WDR81: variants seen among roughly 807,000 people sequenced by gnomAD.
WDR81 encodes the protein WD repeat domain 81.
Under a neutral mutation model 140.8 loss-of-function variants are expected in WDR81, and 92 were observed. That is an observed-to-expected ratio of 0.65 (90% CI 0.55 to 0.78). The LOEUF (loss-of-function observed/expected upper bound fraction) is 0.78. Ranked by LOEUF, WDR81 falls within the 30% of genes least tolerant of loss-of-function variation. The pLI is 0.00. For synonymous variants in WDR81, 1,183 were observed against 1,156.4 expected, an observed-to-expected ratio of 1.02 and a Z score of -0.47; for missense variants, 2,502 against 2,636.4, an observed-to-expected ratio of 0.95 and a Z score of 1.12.
Position 1,737,427 on chromosome 17 carries a change from G to A in WDR81, c.5568G>A (p.Glu1856=). ...SSDHSLTVWK[E]LEQKPTHHYK... ...ACCATTCCTTGACCGTCTGGAAGGAGCTGGAGCAGAAGCCCACCCATCACT... is the reference window on the plus strand; with the variant it reads ...ACCATTCCTTGACCGTCTGGAAGGAACTGGAGCAGAAGCCCACCCATCACT... The change falls in exon 10 of 10, where the codon GAG becomes GAA. Residue 1856 remains glutamate (E), a synonymous_variant. Transcript: ENST00000409644. 1 of 1,612,978 alleles carries A rather than the reference G, an allele frequency of 6.2e-7. No individual in the cohort carries two copies. Among genetic ancestry groups the A allele is most frequent in the South Asian group, 1.1e-5 (1 of 91,078 alleles).
Position 1,727,488 on chromosome 17 carries a change from C to A in WDR81, c.2529C>A (p.Asp843Glu), listed in dbSNP as rs1915363787. ...TGGGAGCAGAGAGGGGCAAGCTGGACCAACTGTTTGAGTACAGGCCTGTCT... is the reference window on the plus strand; with the variant it reads ...TGGGAGCAGAGAGGGGCAAGCTGGAACAACTGTTTGAGTACAGGCCTGTCT... ...VPMGAERGKL[D>E]QLFEYRPVSQ... Residue 843 changes from aspartate (D) to glutamate (E), a missense_variant, in exon 1 of 10, where the codon GAC (aspartate) becomes GAA (glutamate). This residue lies in a region of WDR81 where 1,737 missense variants were observed against 1,843.0 expected (regional missense o/e 0.94). Coordinates refer to ENST00000409644, the MANE Select transcript of WDR81 (RefSeq NM_001163809.2). The A allele has an allele frequency of 6.5e-7, 1 of 1,550,284 alleles. No individual in the cohort carries two copies. Among genetic ancestry groups the A allele is most frequent in the Non-Finnish European group, 8.7e-7 (1 of 1,147,016 alleles).
At chr17:1,732,559 C>T in intron 5 of WDR81, 69 bp downstream of exon 5, 1 of 1,585,360 alleles carries the variant, frequency 6.3e-7, no homozygotes, top group Non-Finnish European at 8.6e-7. Context: ...CCCTGGGCAT[C>T]TTGCTCATAG....
rs368179158 is a variant in WDR81 at position 1,732,152 on chromosome 17, G to A, written c.4158-173G>A. 4.9e-4 allele frequency among the ~76,000 whole-genome samples: 75 copies of A among 152,252 alleles called. 4 individuals carry two copies. The East Asian group carries it at 7.1e-3, about 15-fold the overall frequency. The stretch of plus-strand genomic sequence containing the variant: ...CTCGGGAGACTGAGGCAGGAGAATC[G>A]CTTGAACCCGGGAGGCAGAGGTTGC... On this transcript the variant is annotated intron_variant, in intron 4 of 9. Coordinates refer to ENST00000409644, the MANE Select transcript of WDR81 (RefSeq NM_001163809.2).
chr17:1,722,778 C>T (rs13343265), upstream of WDR81, among the ~76,000 whole-genome samples: 865 of 149,268 alleles, frequency 5.8e-3, 8 homozygotes, highest in African/African-American at 0.018. Flanking sequence ...CTGCAACCTC[C>T]GCCTCCCAGG....
At chr17:1,723,833 C>G (rs937359297), upstream of WDR81, among the ~76,000 whole-genome samples, 1 of 152,094 alleles carries the variant, frequency 6.6e-6, no homozygotes, top group Non-Finnish European at 1.5e-5. Flanking sequence ...AGGCAGTGCT[C>G]CTGGGCAGAA....
rs181191532 is a variant in WDR81, at chr17:1,719,240, A to G, written c.-124+2607A>G. On this transcript the variant is annotated intron_variant, in intron 1 of 10. Transcript: ENST00000309182. ...CCTTGTTGTAGGGATTTCAACATTT[A>G]AAAATATTTTAAAAGTTAAAAATGT... is the stretch of plus-strand genomic sequence containing the variant. 2.0e-5 allele frequency among the ~76,000 whole-genome samples: 3 copies of G among 152,334 alleles called. No homozygotes were observed. The East Asian group carries it at 5.8e-4, about 29-fold the overall frequency.
At position 1,738,405 on chromosome 17, in the gene WDR81, G is replaced by A. The variant is rs891707885; in HGVS notation, c.*720G>A. The A allele has an allele frequency of 6.5e-6, 1 of 153,302 alleles. No homozygotes were observed. Among genetic ancestry groups the A allele is most frequent in the Non-Finnish European group, 1.5e-5 (1 of 68,670 alleles). The allele number at this position is 153,302 out of a possible 1,614,324, so 9.5% of individuals were successfully genotyped here. On this transcript the variant is annotated 3_prime_UTR_variant, in exon 10 of 10. Coordinates refer to ENST00000409644, the MANE Select transcript of WDR81 (RefSeq NM_001163809.2). ...CCCTGAACCCCTGCTGGGGCTCCAC[G>A]ACCCTGAGAGAAGGGGTGAGAAGAA... is the stretch of plus-strand genomic sequence containing the variant.
rs1915162851 is a variant in WDR81 at position 1,725,334 on chromosome 17, T to C, written c.375T>C (p.Phe125=). The C allele has an allele frequency of 6.5e-7, 1 of 1,548,944 alleles. No homozygotes were observed. The change falls in exon 1 of 10, where the codon TTT becomes TTC. Residue 125 remains phenylalanine (F), a synonymous_variant. Transcript: ENST00000409644. ...LSYPLGGGLP[F]EDGSCGPETL... ...ACCCTCTGGGCGGGGGCCTGCCCTT[T>C]GAGGACGGGTCCTGCGGCCCTGAGA...
intron 1 of WDR81, among the ~76,000 whole-genome samples, chr17:1,718,337 C>T (rs1018079592): frequency 1.3e-5 from 2 of 152,154 alleles, no homozygotes; most frequent in East Asian, 1.9e-4. Flanking sequence ...AGGCTGGTCT[C>T]GAACTCCTCA....
Position 1,728,003 on chromosome 17 carries a change from C to T in WDR81, c.3044C>T (p.Ala1015Val). Reference sequence around the variant, plus strand: ...CATGTCCTGCAGGTGCTGGCGGGCGCAGAGGCCTCCCAGGAGGAGAGCAAG... The same window carrying T: ...CATGTCCTGCAGGTGCTGGCGGGCGTAGAGGCCTCCCAGGAGGAGAGCAAG... ...LPHVLQVLAGAEASQEESKDL... is the reference protein window; with the variant it reads ...LPHVLQVLAGVEASQEESKDL... The change falls in exon 1 of 10, where the codon GCA becomes GTA. Residue 1015 changes from alanine to valine, a missense_variant. By Grantham distance (64) the Ala-to-Val change is moderately conservative (BLOSUM62 0). This residue lies in a region of WDR81 where 1,737 missense variants were observed against 1,843.0 expected (regional missense o/e 0.94). Coordinates refer to ENST00000409644, the MANE Select transcript of WDR81 (RefSeq NM_001163809.2). The T allele has an allele frequency of 6.4e-7, 1 of 1,551,220 alleles. No individual in the cohort carries two copies. Among genetic ancestry groups the T allele is most frequent in the Non-Finnish European group, 8.7e-7 (1 of 1,147,520 alleles).
Position 1,727,493 on chromosome 17 carries a change from T to C in WDR81, c.2534T>C (p.Leu845Pro). The C allele has an allele frequency of 6.5e-7, 1 of 1,550,342 alleles. No homozygotes were observed. The highest frequency in any genetic ancestry group is 8.7e-7 in the Non-Finnish European group (1 of 1,146,966). Residue 845 changes from leucine to proline, a missense_variant, in exon 1 of 10, where the codon CTG (leucine) becomes CCG (proline). Transcript: ENST00000409644. ...GCAGAGAGGGGCAAGCTGGACCAAC[T>C]GTTTGAGTACAGGCCTGTCTCCCAG... is the stretch of plus-strand genomic sequence containing the variant. ...MGAERGKLDQ[L>P]FEYRPVSQGL...
chr17:1,718,115 AT>A (rs530920493), intron 1 of WDR81, among the ~76,000 whole-genome samples: 94 of 140,878 alleles, frequency 6.7e-4, no homozygotes, highest in Admixed American at 7.1e-4. Flanking sequence ...CTCCTTATTT[AT>A]TTTTTTTTTT....
At chr17:1,731,689 G>T (rs1271158949) in intron 4 of WDR81, among the ~76,000 whole-genome samples, 1 of 151,664 alleles carries the variant, frequency 6.6e-6, no homozygotes. Flanking sequence ...GGATCACGAG[G>T]TCAGGAGTTT....
rs1915327102 is a variant in WDR81, at chr17:1,727,033, T to C, written c.2074T>C (p.Phe692Leu). 7 of 1,550,334 alleles carry C rather than the reference T, an allele frequency of 4.5e-6. No homozygotes were observed. The East Asian group carries it at 1.5e-4, about 32-fold the overall frequency. ...SSQASPGLLS[F>L]SVASASRPGR... Reference sequence around the variant, plus strand: ...TCAAGCGTCCCCTGGACTTCTCTCTTTCTCAGTGGCCTCAGCCTCCCGTCC... The same window carrying C: ...TCAAGCGTCCCCTGGACTTCTCTCTCTCTCAGTGGCCTCAGCCTCCCGTCC... The change falls in exon 1 of 10, where the codon TTC becomes CTC. Residue 692 changes from phenylalanine to leucine, a missense_variant. By Grantham distance (22) the Phe-to-Leu change is conservative. Coordinates refer to ENST00000409644, the MANE Select transcript of WDR81 (RefSeq NM_001163809.2).
At chr17:1,717,851 CTG>C (rs1158980141) in intron 1 of WDR81, among the ~76,000 whole-genome samples, 4 of 152,160 alleles carry the variant, frequency 2.6e-5, no homozygotes, top group African/African-American at 9.7e-5. Flanking sequence ...AATTCAGACT[CTG>C]TGGTCTAGAC....
At chr17:1,716,523 A>C (rs1235937213), upstream of WDR81, 8 of 1,542,122 alleles carry the variant, frequency 5.2e-6, no homozygotes, top group Middle Eastern at 1.7e-4. Flanking sequence ...GCGCTACGTC[A>C]AACGAGAGTC....
chr17:1,734,026 C>T lies in WDR81; in HGVS notation c.4989C>T (p.Phe1663=), dbSNP rs148436740. The T allele has an allele frequency of 6.2e-7, 1 of 1,611,762 alleles. No individual in the cohort carries two copies. Among genetic ancestry groups the T allele is most frequent in the African/African-American group, 1.3e-5 (1 of 74,948 alleles). The part of the protein sequence containing the change: ...CVAPLSSEDF[F]LSGSKDRTVR... ...CACCCCTAAGCAGCGAGGACTTCTT[C>T]CTGAGCGGCAGCAAGGATCGTACCG... is the stretch of plus-strand genomic sequence containing the variant. The change falls in exon 7 of 10, where the codon TTC becomes TTT. Residue 1663 remains phenylalanine, a synonymous_variant. Transcript: ENST00000409644.
In WDR81 at chr17:1,728,534, C is replaced by A. The variant is rs150907258; in HGVS notation, c.3575C>A (p.Thr1192Lys). The A allele has an allele frequency of 1.3e-6, 2 of 1,550,124 alleles. No homozygotes were observed. Among genetic ancestry groups the A allele is most frequent in the Non-Finnish European group, 1.7e-6 (2 of 1,143,474 alleles). ...TLSDTVLSMETVVAGGSGGDG... is the reference protein window; with the variant it reads ...TLSDTVLSMEKVVAGGSGGDG... ...TCTGACACGGTGCTGTCCATGGAGACGGTTGTGGCCGGCGGCAGTGGGGGA... is the reference window on the plus strand; with the variant it reads ...TCTGACACGGTGCTGTCCATGGAGAAGGTTGTGGCCGGCGGCAGTGGGGGA... Residue 1192 changes from threonine to lysine, a missense_variant, in exon 1 of 10, where the codon ACG (threonine) becomes AAG (lysine). Physicochemically the swap from Thr to Lys is moderately conservative, Grantham distance 78. This residue lies in a region of WDR81 where 1,737 missense variants were observed against 1,843.0 expected (regional missense o/e 0.94). Transcript: ENST00000409644.
At position 1,736,077 on chromosome 17, in the gene WDR81, T is replaced by G; in HGVS notation, c.5364T>G (p.Leu1788=). The part of the protein sequence containing the change: ...FRLGGGLNPG[L]VRALAISPSG... ...TGGGCGGTGGGCTGAACCCTGGGCT[T>G]GTCCGTGCCCTGGCCATCAGCCCCA... is the stretch of plus-strand genomic sequence containing the variant. Residue 1788 remains leucine, a synonymous_variant, in exon 9 of 10, where the codon CTT becomes CTG. Transcript: ENST00000409644. 1 of 1,601,440 alleles carries G rather than the reference T, an allele frequency of 6.2e-7. No individual in the cohort carries two copies. Among genetic ancestry groups the G allele is most frequent in the Non-Finnish European group, 8.5e-7 (1 of 1,179,794 alleles).
Sources: gnomAD v4.1 joint callset for allele counts (sites outside exome capture counted in the v4.1 genomes callset) on GRCh38, gnomAD v4.1.1 for gene constraint, gnomAD v4.1.1 regional missense constraint, MANE v1.5 for transcripts, NCBI Gene and HGNC (gene_info 2026-07-23, HGNC 2026-07-21) for gene names.